The following PCDH15 variants were observed in gnomAD, a reference collection of about 807,000 sequenced individuals.
The protein encoded by PCDH15 is protocadherin-15.
In PCDH15, 129 loss-of-function variants were observed where a neutral mutation model predicts 178.5. The ratio of observed to expected loss-of-function variants is 0.72; its 90% CI spans 0.63 to 0.84. The LOEUF (loss-of-function observed/expected upper bound fraction) is 0.84. Ranked by LOEUF, PCDH15 falls within the 40% of genes least tolerant of loss-of-function variation. The pLI is 0.00. For missense variants in PCDH15, 2,230 were observed against 2,099.9 expected, an observed-to-expected ratio of 1.06 and a Z score of -1.21; for synonymous variants, 800 against 732.0, an observed-to-expected ratio of 1.09 and a Z score of -1.50.
chr10:55,327,906 A>G lies in PCDH15; in HGVS notation c.-155-161255T>C, dbSNP rs1027201397. On this transcript the variant is annotated intron_variant, in intron 2 of 5. Coordinates refer to the PCDH15 transcript ENST00000613346. ...TAGTAATCACCCAAAGACTTCATTC[A>G]TGTTTATTGGCTGTCAGTCACTTAG... Among the ~76,000 whole-genome samples, 3 of 152,034 alleles carry G rather than the reference A, an allele frequency of 2.0e-5. No homozygotes were observed. In the East Asian group the frequency reaches 5.8e-4, roughly 29 times the overall value.
intron 3 of PCDH15, among the ~76,000 whole-genome samples, chr10:54,834,811 G>C (rs1446297732): frequency 6.6e-6 from 1 of 152,096 alleles, no homozygotes; most frequent in Non-Finnish European, 1.5e-5. Flanking sequence ...TTGTGAAAAT[G>C]AATTTTTTTT....
At chr10:55,268,379 AT>A (rs35671297) in intron 1 of PCDH15, among the ~76,000 whole-genome samples, 1 of 152,162 alleles carries the variant, frequency 6.6e-6, no homozygotes, top group African/African-American at 2.4e-5. Flanking sequence ...ATACCAAAAT[AT>A]TTTTAACATA....
chr10:55,564,622 C>A (rs955402228), intron 2 of PCDH15, among the ~76,000 whole-genome samples: 1 of 151,602 alleles, frequency 6.6e-6, no homozygotes, highest in African/African-American at 2.4e-5. Flanking sequence ...GAGACTCACT[C>A]TATATCTGAA....
chr10:54,521,090 A>AT (rs1342479847), intron 3 of PCDH15, among the ~76,000 whole-genome samples: 1 of 149,906 alleles, frequency 6.7e-6, no homozygotes, highest in East Asian at 2.0e-4. Flanking sequence ...GAGGGATAGT[A>AT]TTAGGAGATA....
chr10:54,112,717 G>A (rs1345347862), intron 15 of PCDH15, among the ~76,000 whole-genome samples: 1 of 151,992 alleles, frequency 6.6e-6, no homozygotes, highest in Non-Finnish European at 1.5e-5. Flanking sequence ...GTTCCCAATA[G>A]AGGTCACACA....
At chr10:55,618,652 C>T (rs1843526183) in intron 2 of PCDH15, among the ~76,000 whole-genome samples, 1 of 151,974 alleles carries the variant, frequency 6.6e-6, no homozygotes, top group East Asian at 1.9e-4. Context: ...TCATTAAAGT[C>T]TTGTGATACT....
chr10:54,058,829 G>A (rs916153578), intron 18 of PCDH15, among the ~76,000 whole-genome samples: 1 of 151,772 alleles, frequency 6.6e-6, no homozygotes, highest in Non-Finnish European at 1.5e-5. Context: ...TGGGTAGCTG[G>A]GATTACAGAG....
chr10:53,838,139 C>A (rs2132722895), intron 29 of PCDH15, among the ~76,000 whole-genome samples: 1 of 151,862 alleles, frequency 6.6e-6, no homozygotes, highest in South Asian at 2.1e-4. Context: ...CCATGCCCGG[C>A]TAATTTTTTG....
chr10:54,246,247 C>T (rs554412048), intron 8 of PCDH15, among the ~76,000 whole-genome samples: 1 of 151,986 alleles, frequency 6.6e-6, no homozygotes, highest in African/African-American at 2.4e-5. Flanking sequence ...ATAATTCATT[C>T]ATGTAATCAC....
intron 1 of PCDH15, among the ~76,000 whole-genome samples, chr10:54,689,944 C>G (rs1416713721): frequency 2.0e-5 from 3 of 152,106 alleles, no homozygotes; most frequent in African/African-American, 7.2e-5. Flanking sequence ...GGTCATCAAA[C>G]AGACAAAAAC....
chr10:54,899,504 T>G (rs1359176902), intron 2 of PCDH15, among the ~76,000 whole-genome samples: 1 of 150,192 alleles, frequency 6.7e-6, no homozygotes, highest in Admixed American at 6.7e-5. Context: ...TAATTTTCTT[T>G]TCTGTTTTTT....
chr10:54,519,541 C>T (rs1392401069), intron 3 of PCDH15, among the ~76,000 whole-genome samples: 1 of 152,104 alleles, frequency 6.6e-6, no homozygotes, highest in Admixed American at 6.5e-5. Context: ...AACTACAAAC[C>T]ACTGCTCAAT....
rs114434512 is a variant in PCDH15, at chr10:55,403,534, G to T, written c.-156+224091C>A. 7.9e-3 allele frequency among the ~76,000 whole-genome samples: 1,201 copies of T among 151,742 alleles called. 15 individuals carry two copies. Among genetic ancestry groups the T allele is most frequent in the African/African-American group, 0.026 (1,079 of 41,382 alleles). On this transcript the variant is annotated intron_variant, in intron 2 of 5. Transcript: ENST00000613346. ...ATTTAATTTTTAATCTATTTGAGTT[G>T]ATTTTTTATATGGTGAGAGATAGGG... is the stretch of plus-strand genomic sequence containing the variant.
chr10:53,831,286 A>G (rs770981585), intron 30 of PCDH15, 29 bp downstream of exon 30: 1 of 1,603,176 alleles, frequency 6.2e-7, no homozygotes, highest in East Asian at 2.2e-5. Context: ...CTGAGGAACT[A>G]TCCAGGTTTA....
intron 2 of PCDH15, among the ~76,000 whole-genome samples, chr10:54,960,966 G>A (rs1354997607): frequency 6.6e-6 from 1 of 152,170 alleles, no homozygotes; most frequent in Non-Finnish European, 1.5e-5. Context: ...TTAAAAACAG[G>A]CCTATTCTGA....
intron 21 of PCDH15, among the ~76,000 whole-genome samples, chr10:53,987,207 T>A (rs986928092): frequency 8.5e-5 from 13 of 152,084 alleles, no homozygotes; most frequent in Non-Finnish European, 1.3e-4. Context: ...TCACACTTTA[T>A]AATTTATTAA....
intron 2 of PCDH15, among the ~76,000 whole-genome samples, chr10:55,344,023 G>T (rs1041353913): frequency 6.6e-6 from 1 of 152,068 alleles, no homozygotes; most frequent in Non-Finnish European, 1.5e-5. Context: ...TGAATGAGGA[G>T]ATATTTATTG....
Position 55,262,095 on chromosome 10 carries a change from G to GAGAGAAGAGA in PCDH15, c.-156+57494_-156+57503dup, listed in dbSNP as rs10686582. 7.2e-4 allele frequency among the ~76,000 whole-genome samples: 89 copies of GAGAGAAGAGA among 124,288 alleles called. 2 individuals are homozygous for GAGAGAAGAGA. Among genetic ancestry groups the GAGAGAAGAGA allele is most frequent in the African/African-American group, 2.5e-3 (80 of 32,420 alleles). 81.5% of individuals were successfully genotyped at this position (124,288 alleles called of 152,430 possible). A position where few individuals can be genotyped will look rare whatever the true frequency, so the allele number is the denominator to read the frequency against. ...GATAAAGGAAAGGAAAGGAGGAGAG[G>GAGAGAAGAGA]AGAGAAGAGAAGAGAAATAAAAAAG... On this transcript the variant is annotated intron_variant, in intron 1 of 5. Transcript: ENST00000458638.
intron 2 of PCDH15, among the ~76,000 whole-genome samples, chr10:55,502,647 G>A (rs1437732984): frequency 6.6e-6 from 1 of 151,632 alleles, no homozygotes; most frequent in Non-Finnish European, 1.5e-5. Flanking sequence ...GATTGCTGGT[G>A]AAATAATGCC....
Sources: gnomAD v4.1 joint callset for allele counts (sites outside exome capture counted in the v4.1 genomes callset) on GRCh38, gnomAD v4.1.1 for gene constraint, MANE v1.5 for transcripts, NCBI Gene and HGNC (gene_info 2026-07-23, HGNC 2026-07-21) for gene names.